Variants in PRICKLE2 observed in about 807,000 individuals in gnomAD.
PRICKLE2 encodes the protein prickle-like protein 2.
Under a neutral mutation model 81.4 loss-of-function variants are expected in PRICKLE2, and 21 were observed. The ratio of observed to expected loss-of-function variants is 0.26; its 90% CI spans 0.18 to 0.37. The LOEUF is 0.37. PRICKLE2 is among the 10% of genes least tolerant of loss of function. The pLI, the probability that PRICKLE2 is intolerant of heterozygous loss-of-function variation, is 1.00. For missense variants in PRICKLE2, 940 were observed against 1,109.0 expected (o/e 0.85, Z 2.16); for synonymous variants, 456 against 421.5 (o/e 1.08, Z -1.00).
chr3:64,204,595 C>T (rs1280805060), intron 1 of PRICKLE2, among the ~76,000 whole-genome samples: 2 of 151,902 alleles, frequency 1.3e-5, no homozygotes, highest in Non-Finnish European at 2.9e-5. Context: ...AAAAACCTCA[C>T]ACACACGCAA....
chr3:64,213,008 A>G (rs1234458518), intron 1 of PRICKLE2, among the ~76,000 whole-genome samples: 19 of 151,904 alleles, frequency 1.3e-4, no homozygotes, highest in Admixed American at 1.2e-3. Context: ...TATTATCCCT[A>G]CCAAAGGATT....
intron 6 of PRICKLE2, among the ~76,000 whole-genome samples, chr3:64,150,669 C>G (rs955905029): frequency 1.3e-5 from 2 of 152,186 alleles, no homozygotes; most frequent in African/African-American, 2.4e-5. Flanking sequence ...GCTATCCCCA[C>G]TCCCTGTTAG....
At chr3:64,165,963 G>GGTGTGTGTGTGTGTGTGTGT in intron 2 of PRICKLE2, among the ~76,000 whole-genome samples, 1 of 61,830 alleles carries the variant, frequency 1.6e-5, no homozygotes, top group South Asian at 6.1e-4. Flanking sequence ...CTGTTATAAA[G>GGTGTGTGTGTGTGTGTGTGT]GTGTGTGTGT....
chr3:64,199,313 T>C lies in PRICKLE2; in HGVS notation c.-40-346A>G. ...ACTGGATATGGCCCATGACCACAAT[T>C]TCCTTGACTGCAATAGCAATTAAAT... On this transcript the variant is annotated intron_variant, in intron 1 of 7. Transcript: ENST00000638394. 4 of 398,372 alleles carry C rather than the reference T, an allele frequency of 1.0e-5. No homozygotes were observed. In the South Asian group the frequency reaches 1.4e-4, roughly 14 times the overall value. 24.7% of individuals were successfully genotyped at this position (398,372 alleles called of 1,614,324 possible).
intron 6 of PRICKLE2, 105 bp downstream of exon 6, chr3:64,153,077 T>G: frequency 1.9e-6 from 2 of 1,063,034 alleles, no homozygotes; most frequent in Non-Finnish European, 2.9e-6. Context: ...TAAGTTAGCA[T>G]GAGTTGGGTT....
intron 2 of PRICKLE2, among the ~76,000 whole-genome samples, chr3:64,183,674 T>A (rs1423331583): frequency 6.6e-6 from 1 of 152,248 alleles, no homozygotes; most frequent in Non-Finnish European, 1.5e-5. Flanking sequence ...TCATCTTTCT[T>A]CTAACAATTT....
chr3:64,140,031 T>A (rs918707199), intron 7 of PRICKLE2, among the ~76,000 whole-genome samples: 18 of 152,344 alleles, frequency 1.2e-4, no homozygotes, highest in African/African-American at 4.1e-4. Context: ...CAGCATTGCA[T>A]TCCCAGCACC....
intron 7 of PRICKLE2, among the ~76,000 whole-genome samples, chr3:64,121,567 T>C (rs1380574372): frequency 1.3e-5 from 2 of 151,818 alleles, no homozygotes; most frequent in Non-Finnish European, 2.9e-5. Context: ...GTGAAACAGA[T>C]CCTGTCTTTA....
intron 7 of PRICKLE2, among the ~76,000 whole-genome samples, chr3:64,124,231 A>G (rs902452890): frequency 1.3e-4 from 20 of 152,230 alleles, no homozygotes; most frequent in African/African-American, 4.1e-4. Flanking sequence ...CTTCAGGTCT[A>G]TGAAGGCTGA....
At chr3:64,240,102 G>A (rs1010617280) in intron 2 of PRICKLE2, among the ~76,000 whole-genome samples, 2 of 151,970 alleles carry the variant, frequency 1.3e-5, no homozygotes, top group East Asian at 1.9e-4. Flanking sequence ...CAGCCTGTGC[G>A]ACAGAGACCC....
In PRICKLE2 at chr3:64,147,555, G is replaced by A; in HGVS notation, c.935C>T (p.Ala312Val). 3 of 1,614,258 alleles carry A rather than the reference G, an allele frequency of 1.9e-6. No individual in the cohort carries two copies. Among genetic ancestry groups the A allele is most frequent in the Non-Finnish European group, 2.5e-6 (3 of 1,180,048 alleles). Reference sequence around the variant, plus strand: ...GTCAGAACCATTGGGGTCTTCCCCAGCACTGCAGGCCCGTGAGCAGAATAT... The same window carrying A: ...GTCAGAACCATTGGGGTCTTCCCCAACACTGCAGGCCCGTGAGCAGAATAT... ...GQIFCSRACS[A>V]GEDPNGSDSS... Residue 312 changes from alanine (A) to valine (V), a missense_variant, in exon 7 of 8, where the codon GCT becomes GTT. Coordinates refer to ENST00000638394, the MANE Select transcript of PRICKLE2 (RefSeq NM_198859.4). The surrounding 1 kb of genome is among the most constrained non-coding windows in gnomAD (Gnocchi z 5.0).
chr3:64,218,184 C>T (rs1266871773), intron 1 of PRICKLE2, among the ~76,000 whole-genome samples: 1 of 152,206 alleles, frequency 6.6e-6, no homozygotes, highest in Non-Finnish European at 1.5e-5. Flanking sequence ...TGTACCACTT[C>T]CTCCCCACCC....
At chr3:64,183,000 T>C (rs1052403804) in intron 2 of PRICKLE2, among the ~76,000 whole-genome samples, 5 of 152,148 alleles carry the variant, frequency 3.3e-5, no homozygotes, top group African/African-American at 9.7e-5. Flanking sequence ...AAATGTATTA[T>C]ACCCATCAAT....
chr3:64,162,346 G>T (rs1348829789), intron 3 of PRICKLE2, among the ~76,000 whole-genome samples: 1 of 152,036 alleles, frequency 6.6e-6, no homozygotes, highest in African/African-American at 2.4e-5. Flanking sequence ...CCAGCATAAT[G>T]ATCTTTGAAA....
chr3:64,170,647 C>T (rs248787), intron 2 of PRICKLE2, among the ~76,000 whole-genome samples: 1 of 151,290 alleles, frequency 6.6e-6, no homozygotes, highest in Non-Finnish European at 1.5e-5. Flanking sequence ...ATTGCTTGAG[C>T]CCAGGAGTTC....
At chr3:64,223,557 C>T (rs1039554948) in intron 1 of PRICKLE2, among the ~76,000 whole-genome samples, 1 of 152,144 alleles carries the variant, frequency 6.6e-6, no homozygotes, top group Non-Finnish European at 1.5e-5. Flanking sequence ...TGCTATTTTA[C>T]TCTTTCTGGC....
intron 2 of PRICKLE2, among the ~76,000 whole-genome samples, chr3:64,165,578 G>A (rs976931312): frequency 5.3e-5 from 8 of 152,222 alleles, no homozygotes; most frequent in East Asian, 3.9e-4. Flanking sequence ...ACAGTGGCGC[G>A]GTCATGGCTC....
intron 2 of PRICKLE2, among the ~76,000 whole-genome samples, chr3:64,243,175 T>C (rs1035700410): frequency 3.0e-4 from 46 of 152,312 alleles, no homozygotes; most frequent in Non-Finnish European, 5.0e-4. Context: ...TTTTAAAAAA[T>C]TGTCTGTGGA....
intron 7 of PRICKLE2, among the ~76,000 whole-genome samples, chr3:64,123,485 T>C (rs576958239): frequency 2.0e-5 from 3 of 152,318 alleles, no homozygotes; most frequent in East Asian, 3.9e-4. Flanking sequence ...AGATACCATG[T>C]TTTATTGAGC....
Sources: gnomAD v4.1 joint callset for allele counts (sites outside exome capture counted in the v4.1 genomes callset) on GRCh38, gnomAD v4.1.1 for gene constraint, Gnocchi (gnomAD v3.1) non-coding constraint, MANE v1.5 for transcripts, NCBI Gene and HGNC (gene_info 2026-07-23, HGNC 2026-07-21) for gene names.